The following GADL1 variants were observed in gnomAD, a reference collection of about 807,000 sequenced individuals.
GADL1 encodes the protein GAD like acidic amino acid decarboxylase 1.
GADL1 carries 71 observed loss-of-function variants against 69.5 expected under a neutral mutation model. The observed-to-expected ratio is 1.02, with a 90% CI of 0.84 to 1.25. GADL1 has a LOEUF of 1.25. Ranked by LOEUF, GADL1 falls within the 50% of genes most tolerant of loss-of-function variation. The probability of loss-of-function intolerance (pLI) is 0.00; values close to 1 mark genes in which losing one functional copy is unlikely to be tolerated. For synonymous variants in GADL1, 254 were observed against 214.4 expected (o/e 1.18, Z -1.62); for missense variants, 737 against 631.8 (o/e 1.17, Z -1.79).
intron 14 of GADL1, among the ~76,000 whole-genome samples, chr3:30,771,053 C>G (rs1049208169): frequency 1.3e-5 from 2 of 152,100 alleles, no homozygotes; most frequent in Admixed American, 1.3e-4. Context: ...GTTAAACATG[C>G]GCATACAACA....
Position 30,753,558 on chromosome 3 carries a change from A to G in GADL1, c.1392+24621T>C, listed in dbSNP as rs76679145. On this transcript the variant is annotated intron_variant, in intron 14 of 14. Transcript: ENST00000282538. ...AAATCCCTGTTCTTGCTATTCTGTC[A>G]TTGAGCTCTTTCAAACAAGCGTCGG... 8.9e-3 allele frequency among the ~76,000 whole-genome samples: 1,349 copies of G among 152,198 alleles called. 20 individuals carry two copies. Among genetic ancestry groups the G allele is most frequent in the African/African-American group, 0.031 (1,277 of 41,510 alleles).
At chr3:30,888,064 TGTAA>T (rs10574952) in intron 1 of GADL1, among the ~76,000 whole-genome samples, 11,313 of 152,204 alleles carry the variant, frequency 0.074, 1,318 homozygotes, top group African/African-American at 0.25. Flanking sequence ...CCTAATACGA[TGTAA>T]GTGTTATGTA....
intron 11 of GADL1, among the ~76,000 whole-genome samples, chr3:30,820,547 G>C (rs1175877132): frequency 6.6e-6 from 1 of 152,080 alleles, no homozygotes; most frequent in African/African-American, 2.4e-5. Flanking sequence ...TCTTACATCA[G>C]CCTTAGCAGT....
intron 11 of GADL1, among the ~76,000 whole-genome samples, chr3:30,803,835 A>G (rs1697204687): frequency 6.6e-6 from 1 of 152,254 alleles, no homozygotes; most frequent in South Asian, 2.1e-4. Flanking sequence ...AGATGCTCAG[A>G]TGTCCAGAGA....
rs575833324 is a variant in GADL1, at chr3:30,751,963, A to C, written c.1393-23548T>G. On this transcript the variant is annotated intron_variant, in intron 14 of 14. Transcript: ENST00000282538. ...GGTAATGAGGCTGAAGATGAAAAGA[A>C]CAACAGCAAAGACTTACTGATGGCT... 1.0e-4 allele frequency among the ~76,000 whole-genome samples: 15 copies of C among 150,126 alleles called. No homozygotes were observed. The South Asian group carries it at 2.5e-3, about 25-fold the overall frequency.
intron 6 of GADL1, among the ~76,000 whole-genome samples, chr3:30,849,579 C>A (rs534875005): frequency 1.3e-5 from 2 of 151,830 alleles, no homozygotes; most frequent in Non-Finnish European, 2.9e-5. Flanking sequence ...TACTGTATAT[C>A]TTTCTTTTCC....
intron 14 of GADL1, among the ~76,000 whole-genome samples, chr3:30,755,849 A>T (rs1456192685): frequency 6.6e-6 from 1 of 151,754 alleles, no homozygotes; most frequent in East Asian, 1.9e-4. Context: ...AGAGGTCATC[A>T]TTTGCATACA....
chr3:30,732,005 C>T (rs777548860), intron 14 of GADL1, among the ~76,000 whole-genome samples: 10 of 152,136 alleles, frequency 6.6e-5, no homozygotes, highest in Non-Finnish European at 1.0e-4. Context: ...CAAATTAAAG[C>T]TTATTTGAAA....
At chr3:30,866,519 T>A (rs78364669) in intron 1 of GADL1, among the ~76,000 whole-genome samples, 1 of 152,144 alleles carries the variant, frequency 6.6e-6, no homozygotes, top group East Asian at 1.9e-4. Context: ...GATGGTAAAC[T>A]GTGACAATAG....
Position 30,838,992 on chromosome 3 carries a change from C to G in GADL1, c.903+5G>C. On this transcript the variant is annotated splice_donor_5th_base_variant and intron_variant, in intron 9 of 14. Transcript: ENST00000282538. Reference sequence around the variant, plus strand: ...AAACAGGTATGTACACATAAATGAACTTACATCTACATGAAGCCAGAGGCT... The same window carrying G: ...AAACAGGTATGTACACATAAATGAAGTTACATCTACATGAAGCCAGAGGCT... The G allele has an allele frequency of 6.5e-7, 1 of 1,545,676 alleles. No homozygotes were observed. The highest frequency in any genetic ancestry group is 8.9e-7 in the Non-Finnish European group (1 of 1,129,058).
chr3:30,814,963 C>T (rs1455905871), intron 11 of GADL1, among the ~76,000 whole-genome samples: 1 of 139,380 alleles, frequency 7.2e-6, no homozygotes, highest in African/African-American at 2.6e-5. Context: ...GACTCTGTCT[C>T]ATTTAAAAAA....
intron 9 of GADL1, among the ~76,000 whole-genome samples, chr3:30,836,726 T>C (rs1171712037): frequency 6.7e-6 from 1 of 149,338 alleles, no homozygotes; most frequent in Non-Finnish European, 1.5e-5. Flanking sequence ...GCACTTGGAA[T>C]GAGGAATGGG....
intron 8 of GADL1, among the ~76,000 whole-genome samples, chr3:30,843,988 C>T (rs1368652754): frequency 6.6e-6 from 1 of 152,192 alleles, no homozygotes; most frequent in Non-Finnish European, 1.5e-5. Context: ...ACAAGAATAT[C>T]CGGGAAACTC....
chr3:30,786,460 A>G, intron 12 of GADL1, 54 bp from the exon 13 acceptor site: 1 of 921,326 alleles, frequency 1.1e-6, no homozygotes, highest in South Asian at 1.3e-5. Context: ...AAGTGTCATG[A>G]ACATGACTGA....
intron 14 of GADL1, among the ~76,000 whole-genome samples, chr3:30,754,341 C>T (rs1695911495): frequency 6.7e-6 from 1 of 149,920 alleles, no homozygotes; most frequent in African/African-American, 2.5e-5. Flanking sequence ...AACAAGTTAT[C>T]AAGTAATATC....
intron 11 of GADL1, among the ~76,000 whole-genome samples, chr3:30,829,155 AC>A (rs111828287): frequency 0.17 from 26,482 of 151,848 alleles, 2,382 homozygotes; most frequent in Middle Eastern, 0.21. Flanking sequence ...TCCCGCATTT[AC>A]CTCTGAAGTC....
rs561765587 is a variant in GADL1 at position 30,873,774 on chromosome 3, T to A, written c.38-12009A>T. Among the ~76,000 whole-genome samples, 7 of 152,090 alleles carry A rather than the reference T, an allele frequency of 4.6e-5. No homozygotes were observed. In the South Asian group the frequency reaches 8.3e-4, roughly 18 times the overall value. ...CTGTTGATTTACTCTGATATGGGGATTATCTTTGCCCAGGGTTCTGCCTCC... is the reference window on the plus strand; with the variant it reads ...CTGTTGATTTACTCTGATATGGGGAATATCTTTGCCCAGGGTTCTGCCTCC... On this transcript the variant is annotated intron_variant, in intron 1 of 14. Coordinates refer to ENST00000282538, the MANE Select transcript of GADL1 (RefSeq NM_207359.3).
chr3:30,820,864 C>T (rs920028892), intron 11 of GADL1, among the ~76,000 whole-genome samples: 3 of 151,852 alleles, frequency 2.0e-5, no homozygotes, highest in Non-Finnish European at 4.4e-5. Context: ...TATAAAGACA[C>T]ATGCACATGT....
At chr3:30,765,717 A>AG (rs1173390424) in intron 14 of GADL1, among the ~76,000 whole-genome samples, 1 of 152,202 alleles carries the variant, frequency 6.6e-6, no homozygotes, top group Non-Finnish European at 1.5e-5. Flanking sequence ...CAGGCTTGGA[A>AG]GGGTTGAAAC....
Sources: gnomAD v4.1 joint callset for allele counts (sites outside exome capture counted in the v4.1 genomes callset) on GRCh38, gnomAD v4.1.1 for gene constraint, MANE v1.5 for transcripts, NCBI Gene and HGNC (gene_info 2026-07-23, HGNC 2026-07-21) for gene names.